Variants in MTURN observed in about 807,000 individuals in gnomAD.
MTURN encodes maturin.
Under a neutral mutation model 14.9 loss-of-function variants are expected in MTURN, and 7 were observed. The observed-to-expected ratio is 0.47, with a 90% CI of 0.27 to 0.88. The LOEUF (loss-of-function observed/expected upper bound fraction) is 0.88, where lower values mean the gene tolerates loss of function less well. Ranked by LOEUF, MTURN falls within the 40% of genes least tolerant of loss-of-function variation. The pLI, the probability that MTURN is intolerant of heterozygous loss-of-function variation, is 0.14. For synonymous variants in MTURN, 69 were observed against 72.5 expected (o/e 0.95, Z 0.25); for missense variants, 151 against 174.1 (o/e 0.87, Z 0.75).
At position 30,158,436 on chromosome 7, in the gene MTURN, G is replaced by C. The variant is rs778223584; in HGVS notation, c.*888G>C. ...TTTGAAGCCATAGATAAATTTGTTA[G>C]AAAAGTAAACCAGGATTAAAAGTTT... On this transcript the variant is annotated 3_prime_UTR_variant, in exon 3 of 3. Coordinates refer to ENST00000324453, the MANE Select transcript of MTURN (RefSeq NM_152793.3). 1 of 152,048 alleles carries C rather than the reference G, an allele frequency of 6.6e-6. No homozygotes were observed. Among genetic ancestry groups the C allele is most frequent in the Non-Finnish European group, 1.5e-5 (1 of 67,938 alleles). 9.4% of individuals were successfully genotyped at this position (152,048 alleles called of 1,614,324 possible).
chr7:30,136,610 A>G (rs1002858317), intron 1 of MTURN, among the ~76,000 whole-genome samples: 5 of 152,218 alleles, frequency 3.3e-5, no homozygotes, highest in Non-Finnish European at 4.4e-5. Context: ...GTGAAGGCTT[A>G]TGTATGCCTG....
At chr7:30,136,359 G>A (rs543987580) in intron 1 of MTURN, among the ~76,000 whole-genome samples, 1 of 152,332 alleles carries the variant, frequency 6.6e-6, no homozygotes, top group South Asian at 2.1e-4. Context: ...TGTTTCCAAG[G>A]TCGGGGAATA....
intron 2 of MTURN, among the ~76,000 whole-genome samples, chr7:30,147,866 T>C (rs895748661): frequency 2.0e-5 from 3 of 152,206 alleles, no homozygotes; most frequent in African/African-American, 4.8e-5. Context: ...CTAAGCCAGT[T>C]TGGCACATTC....
Position 30,157,555 on chromosome 7 carries a change from G to A in MTURN, c.*7G>A, listed in dbSNP as rs149424638. 4 of 1,590,304 alleles carry A rather than the reference G, an allele frequency of 2.5e-6. No homozygotes were observed. Among genetic ancestry groups the A allele is most frequent in the African/African-American group, 1.4e-5 (1 of 73,516 alleles). ...GGGGGTCAGCCAGCAGTAAATCTGGGGGCTCCCCTGAGAAGGAGAGTGAGC... is the reference window on the plus strand; with the variant it reads ...GGGGGTCAGCCAGCAGTAAATCTGGAGGCTCCCCTGAGAAGGAGAGTGAGC... On this transcript the variant is annotated 3_prime_UTR_variant, in exon 3 of 3. Transcript: ENST00000324453.
chr7:30,147,442 G>T lies in MTURN; in HGVS notation c.285+1143G>T, dbSNP rs114496778. 4.1e-3 allele frequency among the ~76,000 whole-genome samples: 628 copies of T among 152,282 alleles called. 7 individuals are homozygous for T. Among genetic ancestry groups the T allele is most frequent in the African/African-American group, 0.014 (591 of 41,542 alleles). On this transcript the variant is annotated intron_variant, in intron 2 of 2. Transcript: ENST00000324453. Reference sequence around the variant, plus strand: ...CCGGGGGTGAGAAGGCAGGATGCGGGTCTGGCCTCCTGTGCCTCCTCCTCG... The same window carrying T: ...CCGGGGGTGAGAAGGCAGGATGCGGTTCTGGCCTCCTGTGCCTCCTCCTCG...
chr7:30,142,623 A>G (rs757950583), intron 1 of MTURN, among the ~76,000 whole-genome samples: 1 of 152,140 alleles, frequency 6.6e-6, no homozygotes, highest in East Asian at 1.9e-4. Flanking sequence ...ATACATTGCA[A>G]TTCTGTCATT....
intron 2 of MTURN, among the ~76,000 whole-genome samples, chr7:30,150,702 T>C (rs62447374): frequency 0.14 from 21,214 of 152,258 alleles, 1,787 homozygotes; most frequent in Admixed American, 0.19. Context: ...GAGGTGGGAC[T>C]GAAGAATAGC....
chr7:30,135,481 C>G (rs946932914), intron 1 of MTURN, among the ~76,000 whole-genome samples, 183 bp downstream of exon 1: 2 of 151,274 alleles, frequency 1.3e-5, no homozygotes, highest in Non-Finnish European at 3.0e-5. Context: ...GCTCCGCTGC[C>G]CGGGTGGGGC....
rs1021412219 is a variant in MTURN, at chr7:30,162,604, G to A, written c.*5056G>A. ...TTGTAAATTACAAAACTGTGAATTG[G>A]GTTGCCAAAAACTGTTGCCCTTCGT... On this transcript the variant is annotated 3_prime_UTR_variant, in exon 3 of 3. Transcript: ENST00000324453. 3 of 152,168 alleles carry A rather than the reference G, an allele frequency of 2.0e-5. No homozygotes were observed. Among genetic ancestry groups the A allele is most frequent in the Admixed American group, 6.6e-5 (1 of 15,218 alleles). 9.4% of individuals were successfully genotyped at this position (152,168 alleles called of 1,614,324 possible).
At chr7:30,154,979 A>G (rs913388840) in intron 2 of MTURN, among the ~76,000 whole-genome samples, 1 of 152,170 alleles carries the variant, frequency 6.6e-6, no homozygotes, top group Admixed American at 6.5e-5. Context: ...AGCTGAAGAG[A>G]GGGAGGGTGT....
Position 30,146,080 on chromosome 7 carries a change from T to C in MTURN, c.163-97T>C. 5 of 1,599,734 alleles carry C rather than the reference T, an allele frequency of 3.1e-6. No individual in the cohort carries two copies. In the South Asian group the frequency reaches 4.5e-5, roughly 14 times the overall value. Reference sequence around the variant, plus strand: ...AGAATGGAGGCCTTCTTCAAATTGATGTTATTAAGAAAATCTGCTTGGCTT... The same window carrying C: ...AGAATGGAGGCCTTCTTCAAATTGACGTTATTAAGAAAATCTGCTTGGCTT... On this transcript the variant is annotated intron_variant, in intron 1 of 2. Transcript: ENST00000324453.
intron 2 of MTURN, among the ~76,000 whole-genome samples, chr7:30,155,035 T>C (rs1797266732): frequency 6.6e-6 from 1 of 152,202 alleles, no homozygotes; most frequent in South Asian, 2.1e-4. Flanking sequence ...CCTAGGGGTG[T>C]TATGGAACAG....
At chr7:30,137,325 C>T (rs1247576028) in intron 1 of MTURN, 5 of 281,150 alleles carry the variant, frequency 1.8e-5, no homozygotes, top group East Asian at 8.2e-5. Context: ...GCTGGGACCG[C>T]CCAGGCCATA....
chr7:30,159,458 G>C lies in MTURN; in HGVS notation c.*1910G>C, dbSNP rs150819374. On this transcript the variant is annotated 3_prime_UTR_variant, in exon 3 of 3. Coordinates refer to ENST00000324453, the MANE Select transcript of MTURN (RefSeq NM_152793.3). ...TGGAAGGTAAACTGAAATTTTATAC[G>C]TTGAAGCTTAAAATCTAAATTTATG... is the stretch of plus-strand genomic sequence containing the variant. The C allele has an allele frequency of 7.9e-4, 121 of 152,512 alleles. 3 individuals carry two copies. Among genetic ancestry groups the C allele is most frequent in the Admixed American group, 7.8e-3 (119 of 15,300 alleles). 9.4% of individuals were successfully genotyped at this position (152,512 alleles called of 1,614,324 possible).
intron 1 of MTURN, among the ~76,000 whole-genome samples, chr7:30,144,928 CT>C (rs11411711): frequency 6.6e-3 from 486 of 73,962 alleles, no homozygotes; most frequent in South Asian, 8.2e-3. Context: ...GACCTCAATA[CT>C]TTTTTTTTTT....
intron 2 of MTURN, among the ~76,000 whole-genome samples, chr7:30,154,262 G>C (rs1296290531): frequency 6.6e-6 from 1 of 152,154 alleles, no homozygotes; most frequent in Non-Finnish European, 1.5e-5. Flanking sequence ...TCAGTGTGCA[G>C]TGTATATAGG....
At chr7:30,140,107 T>C (rs1402886597) in intron 1 of MTURN, among the ~76,000 whole-genome samples, 1 of 152,178 alleles carries the variant, frequency 6.6e-6, no homozygotes, top group Non-Finnish European at 1.5e-5. Context: ...GAGCACCAGC[T>C]GCGTTCCTTC....
At position 30,159,568 on chromosome 7, in the gene MTURN, TATC is replaced by T. The variant is rs551993846; in HGVS notation, c.*2023_*2025del. On this transcript the variant is annotated 3_prime_UTR_variant, in exon 3 of 3. Coordinates refer to ENST00000324453, the MANE Select transcript of MTURN (RefSeq NM_152793.3). ...ACTTTGACCAAATACATGTTGGTAT[TATC>T]ATGTTAATGTTCTCTGTTTATAAAA... is the stretch of plus-strand genomic sequence containing the variant. 1.3e-5 allele frequency: 2 copies of T among 152,800 alleles called. No homozygotes were observed. The highest frequency in any genetic ancestry group is 4.1e-4 in the South Asian group (2 of 4,832). 9.5% of individuals were successfully genotyped at this position (152,800 alleles called of 1,614,324 possible). A position where few individuals can be genotyped will look rare whatever the true frequency, so the allele number is the denominator to read the frequency against.
At chr7:30,145,974 C>T in intron 1 of MTURN, 1 of 1,551,266 alleles carries the variant, frequency 6.4e-7, no homozygotes, top group Non-Finnish European at 8.7e-7. Context: ...GGACCAAAAG[C>T]TCGGGGGCTT....
Sources: allele counts gnomAD v4.1 joint callset (sites outside exome capture counted in the v4.1 genomes callset), GRCh38; gene constraint gnomAD v4.1.1; transcripts MANE v1.5; gene names NCBI Gene and HGNC (gene_info 2026-07-23, HGNC 2026-07-21).